Variants in ZNF804A observed in about 807,000 individuals in gnomAD.
ZNF804A encodes the protein zinc finger protein 804A.
A neutral mutation model predicts 16.5 loss-of-function variants in ZNF804A; 2 were observed. That is an observed-to-expected ratio of 0.12 (90% CI 0.05 to 0.38). The LOEUF (loss-of-function observed/expected upper bound fraction) is 0.38. Among genes scored for constraint, ZNF804A ranks in the 10% least tolerant of loss-of-function variants. ZNF804A has a pLI of 0.99. For synonymous variants in ZNF804A, 534 were observed against 489.6 expected (o/e 1.09, Z -1.20); for missense variants, 1,473 against 1,390.7 (o/e 1.06, Z -0.94).
chr2:184,837,086 G>C (rs186839156), intron 1 of ZNF804A, among the ~76,000 whole-genome samples: 68 of 151,932 alleles, frequency 4.5e-4, no homozygotes, highest in Non-Finnish European at 2.2e-4. Flanking sequence ...AGCCTTCCTT[G>C]ACCCTCCTGT....
At position 184,938,938 on chromosome 2, in the gene ZNF804A, A is replaced by T; in HGVS notation, c.3542A>T (p.His1181Leu). Residue 1181 changes from histidine to leucine, a missense_variant, in exon 4 of 4, where the codon CAT (histidine) becomes CTT (leucine). Physicochemically the swap from His to Leu is moderately conservative, Grantham distance 99. Transcript: ENST00000302277. Reference protein sequence around the residue: ...IIPASVLHPSHLAFPSLPHAL... With the variant: ...IIPASVLHPSLLAFPSLPHAL... The stretch of plus-strand genomic sequence containing the variant: ...CCAGCTTCCGTTCTTCATCCTAGCC[A>T]TCTGGCTTTCCCATCTTTACCCCAT... 1 of 1,613,582 alleles carries T rather than the reference A, an allele frequency of 6.2e-7. No homozygotes were observed. Among genetic ancestry groups the T allele is most frequent in the South Asian group, 1.1e-5 (1 of 91,056 alleles).
chr2:184,646,243 G>A (rs1691869341), intron 1 of ZNF804A, among the ~76,000 whole-genome samples: 1 of 152,230 alleles, frequency 6.6e-6, no homozygotes, highest in Admixed American at 6.5e-5. Context: ...TGCCTCAGCA[G>A]TCAGCAGTGG....
At chr2:184,877,076 A>G in intron 2 of ZNF804A, among the ~76,000 whole-genome samples, 1 of 152,102 alleles carries the variant, frequency 6.6e-6, no homozygotes, top group East Asian at 1.9e-4. Context: ...TTTTATTTTA[A>G]TAACCATTTA....
intron 1 of ZNF804A, among the ~76,000 whole-genome samples, chr2:184,639,132 G>A (rs148818391): frequency 7.0e-4 from 99 of 140,490 alleles, no homozygotes; most frequent in African/African-American, 2.6e-3. Context: ...GGAGGGCAAC[G>A]GCGTGCTCTC....
chr2:184,929,595 T>C (rs1275719438), intron 2 of ZNF804A, among the ~76,000 whole-genome samples: 1 of 152,154 alleles, frequency 6.6e-6, no homozygotes, highest in Non-Finnish European at 1.5e-5. Context: ...CTAGAGCTTT[T>C]CTAAAGAACC....
At chr2:184,761,916 T>G (rs1380873575) in intron 1 of ZNF804A, among the ~76,000 whole-genome samples, 2 of 152,130 alleles carry the variant, frequency 1.3e-5, no homozygotes, top group Non-Finnish European at 2.9e-5. Flanking sequence ...CTAGAAATTA[T>G]GAAACTAAAC....
intron 1 of ZNF804A, among the ~76,000 whole-genome samples, chr2:184,860,600 C>T (rs1695784581): frequency 6.6e-6 from 1 of 152,064 alleles, no homozygotes; most frequent in African/African-American, 2.4e-5. Context: ...TAAGAAAGGC[C>T]CAGAAAGAGT....
chr2:184,847,011 A>G (rs1361235667), intron 1 of ZNF804A, among the ~76,000 whole-genome samples: 1 of 152,148 alleles, frequency 6.6e-6, no homozygotes, highest in African/African-American at 2.4e-5. Flanking sequence ...AAATAATCAC[A>G]GAAGAGAAAT....
chr2:184,865,275 T>A (rs1695862695), intron 1 of ZNF804A, among the ~76,000 whole-genome samples: 1 of 151,898 alleles, frequency 6.6e-6, no homozygotes, highest in Admixed American at 6.6e-5. Context: ...CTTCTTCACA[T>A]CATGAATAAT....
chr2:184,711,733 A>G (rs913810893), intron 1 of ZNF804A, among the ~76,000 whole-genome samples: 11 of 151,560 alleles, frequency 7.3e-5, no homozygotes, highest in Non-Finnish European at 4.4e-5. Context: ...TATTGAAGAG[A>G]CTGTCCTTTC....
chr2:184,797,309 A>C (rs1227973053), intron 1 of ZNF804A, among the ~76,000 whole-genome samples: 1 of 152,116 alleles, frequency 6.6e-6, no homozygotes, highest in Non-Finnish European at 1.5e-5. Flanking sequence ...TAGGAGCTCC[A>C]GATTTAGGTG....
intron 1 of ZNF804A, among the ~76,000 whole-genome samples, chr2:184,749,115 T>C (rs1693839032): frequency 6.6e-6 from 1 of 151,380 alleles, no homozygotes; most frequent in Non-Finnish European, 1.5e-5. Context: ...TTTTTCTAAT[T>C]TTGTGAGGAA....
At chr2:184,920,498 A>G (rs1685514137) in intron 2 of ZNF804A, among the ~76,000 whole-genome samples, 1 of 152,004 alleles carries the variant, frequency 6.6e-6, no homozygotes, top group East Asian at 1.9e-4. Flanking sequence ...TGGTTAACAC[A>G]CTCTAAAGTG....
chr2:184,839,729 A>G (rs1431356478), intron 1 of ZNF804A, among the ~76,000 whole-genome samples: 3 of 152,198 alleles, frequency 2.0e-5, no homozygotes, highest in Non-Finnish European at 4.4e-5. Context: ...TTCTCTTAAC[A>G]GAATGTTTAC....
intron 1 of ZNF804A, among the ~76,000 whole-genome samples, chr2:184,826,819 A>G (rs1695175657): frequency 6.6e-6 from 1 of 152,128 alleles, no homozygotes. Context: ...ATTTTTATAT[A>G]GTAACAGCAT....
chr2:184,730,858 T>TG lies in ZNF804A; in HGVS notation c.111+131788_111+131789insG, dbSNP rs542360113. On this transcript the variant is annotated intron_variant, in intron 1 of 3. Coordinates refer to ENST00000302277, the MANE Select transcript of ZNF804A (RefSeq NM_194250.2). ...GCATCAATTTGCAGCTTTTTTTTTT[T>TG]TGTGGACATAAGTTTTGAACTTCTT... is the stretch of plus-strand genomic sequence containing the variant. Among the ~76,000 whole-genome samples, 880 of 151,876 alleles carry TG rather than the reference T, an allele frequency of 5.8e-3. 11 individuals carry two copies. The highest frequency in any genetic ancestry group is 0.02 in the African/African-American group (837 of 41,338).
chr2:184,775,278 C>T (rs992335814), intron 1 of ZNF804A, among the ~76,000 whole-genome samples: 2 of 151,550 alleles, frequency 1.3e-5, no homozygotes, highest in African/African-American at 2.4e-5. Context: ...TTGAAAGTGA[C>T]TTTATGACTA....
chr2:184,623,163 G>C (rs1691444727), intron 1 of ZNF804A, among the ~76,000 whole-genome samples: 1 of 151,818 alleles, frequency 6.6e-6, no homozygotes, highest in Non-Finnish European at 1.5e-5. Flanking sequence ...ATAATAGTAA[G>C]TACAACATGT....
chr2:184,936,579 G>T lies in ZNF804A; in HGVS notation c.1183G>T (p.Gly395Cys), dbSNP rs1685791722. The change falls in exon 4 of 4, where the codon GGT becomes TGT. Residue 395 changes from glycine (G) to cysteine (C), a missense_variant. Coordinates refer to ENST00000302277, the MANE Select transcript of ZNF804A (RefSeq NM_194250.2). ...ASTTEVENKN[G>C]PETLAPSNTE... Reference sequence around the variant, plus strand: ...CACAACTGAGGTTGAAAATAAAAATGGTCCCGAGACATTGGCCCCTTCAAA... The same window carrying T: ...CACAACTGAGGTTGAAAATAAAAATTGTCCCGAGACATTGGCCCCTTCAAA... The T allele has an allele frequency of 1.2e-6, 2 of 1,613,910 alleles. No individual in the cohort carries two copies. The highest frequency in any genetic ancestry group is 1.7e-6 in the Non-Finnish European group (2 of 1,179,916).
Sources: gnomAD v4.1 joint callset for allele counts (sites outside exome capture counted in the v4.1 genomes callset) on GRCh38, gnomAD v4.1.1 for gene constraint, MANE v1.5 for transcripts, NCBI Gene and HGNC (gene_info 2026-07-23, HGNC 2026-07-21) for gene names.